The following POLD2 variants were observed in gnomAD, a reference collection of about 807,000 sequenced individuals.
The protein encoded by POLD2 is DNA polymerase delta 2, accessory subunit, also known as DNA polymerase delta subunit 2.
In POLD2, 31 loss-of-function variants were observed where a neutral mutation model predicts 48.8. The ratio of observed to expected loss-of-function variants is 0.64; its 90% confidence interval spans 0.48 to 0.86. The LOEUF (loss-of-function observed/expected upper bound fraction) is 0.86. Among genes scored for constraint, POLD2 ranks in the 40% least tolerant of loss-of-function variants. The pLI is 0.00. For synonymous variants in POLD2, 233 were observed against 256.3 expected, an observed-to-expected ratio of 0.91 and a Z score of 0.87; for missense variants, 455 against 610.1, an observed-to-expected ratio of 0.75 and a Z score of 2.68.
rs766949131 is a variant in POLD2, at chr7:44,115,326, G to A, written c.1218C>T (p.Asn406=). 4 of 1,613,760 alleles carry A rather than the reference G, an allele frequency of 2.5e-6. No homozygotes were observed. The East Asian group carries it at 6.7e-5, about 27-fold the overall frequency. ...TGATTTTGGAGCCAAAGCTGGGGGT[G>A]TTGCCACAAAAGTAGACATGCGGGC... is the stretch of plus-strand genomic sequence containing the variant. ...PECPHVYFCG[N]TPSFGSKIIR... is the part of the protein sequence containing the mutation. The change falls in exon 10 of 11, where the codon AAC becomes AAT. Residue 406 remains asparagine (N), a synonymous_variant. Transcript: ENST00000610533.
At chr7:44,118,210 G>C in intron 2 of POLD2, 146 bp from the exon 3 acceptor site, 1 of 908,774 alleles carries the variant, frequency 1.1e-6, no homozygotes, top group Non-Finnish European at 1.6e-6. Context: ...GGACCCCCTG[G>C]ACTTCACGGT....
Position 44,116,649 on chromosome 7 carries a change from G to A in POLD2, c.781-139C>T. On this transcript the variant is annotated intron_variant, in intron 6 of 10. Coordinates refer to ENST00000610533, the MANE Select transcript of POLD2 (RefSeq NM_006230.4). This position sits in a 1 kb window ranked among gnomAD's most constrained non-coding sequence, Gnocchi z 6.1. ...CAAGCCTCCCACCATCCTCAGCGAGGGCCTGGGCATGAGGAGCCCCATTGC... is the reference window on the plus strand; with the variant it reads ...CAAGCCTCCCACCATCCTCAGCGAGAGCCTGGGCATGAGGAGCCCCATTGC... 1.0e-6 allele frequency: 1 copy of A among 1,003,568 alleles called. No homozygotes were observed. Among genetic ancestry groups the A allele is most frequent in the Non-Finnish European group, 1.5e-6 (1 of 670,206 alleles). 62.2% of individuals were successfully genotyped at this position (1,003,568 alleles called of 1,614,324 possible).
intron 1 of POLD2, chr7:44,123,247 G>T (rs1314497878): frequency 7.4e-7 from 1 of 1,349,286 alleles, no homozygotes; most frequent in African/African-American, 1.5e-5. Flanking sequence ...CTGGGACACA[G>T]GCTCCGCACA....
At chr7:44,118,132 C>G (rs2096243259) in intron 2 of POLD2, 68 bp from the exon 3 acceptor site, 1 of 1,574,590 alleles carries the variant, frequency 6.4e-7, no homozygotes, top group African/African-American at 1.4e-5. Context: ...CATGGAGGCC[C>G]TGCCCAGCAC....
intron 2 of POLD2, chr7:44,118,435 T>A: frequency 5.6e-6 from 1 of 177,858 alleles, no homozygotes; most frequent in South Asian, 1.5e-4. Context: ...GAGCCAATCC[T>A]GCTGACATCT....
rs2096248345 is a variant in POLD2, at chr7:44,121,698, C to G, written c.220+136G>C. On this transcript the variant is annotated intron_variant, in intron 2 of 10. Transcript: ENST00000610533. This position sits in a 1 kb window ranked among gnomAD's most constrained non-coding sequence, Gnocchi z 4.5. ...TCCTTGTTACTATCTTAAGAAGAAACTGAGGGAAAAAGAGGTTAATTTTCC... is the reference window on the plus strand; with the variant it reads ...TCCTTGTTACTATCTTAAGAAGAAAGTGAGGGAAAAAGAGGTTAATTTTCC... 2.5e-5 allele frequency: 21 copies of G among 842,184 alleles called. No individual in the cohort carries two copies. The Admixed American group carries it at 5.6e-4, about 23-fold the overall frequency. 52.2% of individuals were successfully genotyped at this position (842,184 alleles called of 1,614,324 possible). A position where few individuals can be genotyped will look rare whatever the true frequency, so the allele number is the denominator to read the frequency against.
chr7:44,116,272 C>A lies in POLD2; in HGVS notation c.862G>T (p.Ala288Ser). 1 of 1,607,842 alleles carries A rather than the reference C, an allele frequency of 6.2e-7. No individual in the cohort carries two copies. The highest frequency in any genetic ancestry group is 8.5e-7 in the Non-Finnish European group (1 of 1,176,524). ...MLDEILLQLSASVPVDVMPGE... is the reference protein window; with the variant it reads ...MLDEILLQLSSSVPVDVMPGE... ...GGCATCACGTCCACGGGCACTGAGGCCTGGAAGGCACAGGGCAGGGAGAGC... is the reference window on the plus strand; with the variant it reads ...GGCATCACGTCCACGGGCACTGAGGACTGGAAGGCACAGGGCAGGGAGAGC... Residue 288 changes from alanine (A) to serine (S), a missense_variant and splice_region_variant, in exon 8 of 11, where the codon GCC (alanine) becomes TCC (serine). Around this residue, in one of 3 missense-constraint regions of POLD2, gnomAD observed 349 missense variants for 437.4 expected, o/e 0.80. Transcript: ENST00000610533. This position sits in a 1 kb window ranked among gnomAD's most constrained non-coding sequence, Gnocchi z 6.1.
chr7:44,117,842 T>C (rs2096242660), intron 3 of POLD2, 100 bp from the exon 4 acceptor site: 2 of 1,596,242 alleles, frequency 1.3e-6, no homozygotes, highest in Admixed American at 1.7e-5. Flanking sequence ...CTGGAGTCCA[T>C]TGTCTCTGAA....
intron 2 of POLD2, among the ~76,000 whole-genome samples, chr7:44,120,550 C>T (rs539098551): frequency 1.8e-3 from 270 of 152,296 alleles, no homozygotes; most frequent in South Asian, 6.0e-3. Flanking sequence ...TGTGTCCCCA[C>T]CCACATCTCA....
chr7:44,118,181 G>T, intron 2 of POLD2, 117 bp from the exon 3 acceptor site: 2 of 1,228,000 alleles, frequency 1.6e-6, no homozygotes, highest in Admixed American at 2.6e-5. Flanking sequence ...GCCTTGCCAG[G>T]AGAGAACATC....
rs781217682 is a variant in POLD2, at chr7:44,118,009, A to G, written c.276T>C (p.Cys92=). 1.9e-6 allele frequency: 3 copies of G among 1,614,034 alleles called. No individual in the cohort carries two copies. In the South Asian group the frequency reaches 3.3e-5, roughly 18 times the overall value. Residue 92 remains cysteine (C), a synonymous_variant, in exon 3 of 11, where the codon TGT becomes TGC. Transcript: ENST00000610533. ...TGGCCTTGAACAGAGTGCCCACCAC[A>G]CAGCACTTCTCCTCAGGCTGCAGTT... ...LCELQPEEKC[C]VVGTLFKAMP... is the part of the protein sequence containing the mutation.
rs774269295 is a variant in POLD2, at chr7:44,114,798, C to T, written c.1397G>A (p.Gly466Glu). 107 of 1,608,502 alleles carry T rather than the reference C, an allele frequency of 6.7e-5. No homozygotes were observed. Among genetic ancestry groups the T allele is most frequent in the Non-Finnish European group, 7.8e-5 (92 of 1,175,672 alleles). ...CACTTTTTTGAGTCAGGGGCCCAGC[C>T]CCAGGCCTCCCAGGTCATCGTCCTC... Reference protein sequence around the residue: ...GAEDDDLGGLGLGP With the variant: ...GAEDDDLGGLELGP The change falls in exon 11 of 11, where the codon GGG becomes GAG. Residue 466 changes from glycine (G) to glutamate (E), a missense_variant. Around this residue, in one of 3 missense-constraint regions of POLD2, gnomAD observed 98 missense variants for 138.6 expected, o/e 0.71. Coordinates refer to ENST00000610533, the MANE Select transcript of POLD2 (RefSeq NM_006230.4).
chr7:44,119,914 CCCTCAAAGAAT>C (rs2096245991), intron 2 of POLD2, among the ~76,000 whole-genome samples: 5 of 152,160 alleles, frequency 3.3e-5, no homozygotes, highest in Admixed American at 3.3e-4. Flanking sequence ...TTCAGGTGGC[CCCTCAAAGAAT>C]ATAACACTTC....
chr7:44,123,471 G>A (rs957382558), intron 1 of POLD2, 40 bp downstream of exon 1: 5 of 1,495,360 alleles, frequency 3.3e-6, no homozygotes, highest in Middle Eastern at 2.3e-4. Context: ...GCCTGGAACT[G>A]CCACCCCCAG....
chr7:44,118,425 G>A, intron 2 of POLD2: 1 of 185,352 alleles, frequency 5.4e-6, no homozygotes, highest in Non-Finnish European at 1.1e-5. Context: ...CCTTCAGAAG[G>A]AGCCAATCCT....
rs769168045 is a variant in POLD2, at chr7:44,121,793, G to A, written c.220+41C>T. ...CTCTTGCAGAACACTTCTAAGTTCAGGGATGCTGTGGGGGAAGCACCTTCC... is the reference window on the plus strand; with the variant it reads ...CTCTTGCAGAACACTTCTAAGTTCAAGGATGCTGTGGGGGAAGCACCTTCC... On this transcript the variant is annotated intron_variant, in intron 2 of 10. Transcript: ENST00000610533. This position sits in a 1 kb window ranked among gnomAD's most constrained non-coding sequence, Gnocchi z 4.5. 1 of 1,583,586 alleles carries A rather than the reference G, an allele frequency of 6.3e-7. No individual in the cohort carries two copies. The highest frequency in any genetic ancestry group is 1.1e-5 in the South Asian group (1 of 87,612).
At position 44,114,841 on chromosome 7, in the gene POLD2, A is replaced by T; in HGVS notation, c.1354T>A (p.Phe452Ile). The T allele has an allele frequency of 6.2e-7, 1 of 1,614,046 alleles. No individual in the cohort carries two copies. The highest frequency in any genetic ancestry group is 8.5e-7 in the Non-Finnish European group (1 of 1,179,918). ...TCGTCCTCTGCCCCGAAGCCCGAGA[A>T]GCTGATGGGCTGGCAGGCCAGGCTG... ...LRSLACQPIS[F>I]SGFGAEDDDL... Residue 452 changes from phenylalanine to isoleucine, a missense_variant, in exon 11 of 11, where the codon TTC becomes ATC. This residue lies in a region of POLD2 where 98 missense variants were observed against 138.6 expected (regional missense o/e 0.71). Transcript: ENST00000610533.
upstream of POLD2, chr7:44,123,665 C>T (rs919138181): frequency 1.8e-5 from 25 of 1,378,574 alleles, no homozygotes; most frequent in African/African-American, 2.4e-4. Context: ...TCCCGCCGAC[C>T]ACTGTGCGCC....
chr7:44,117,533 C>A, intron 4 of POLD2, 86 bp downstream of exon 4: 1 of 1,510,236 alleles, frequency 6.6e-7, no homozygotes, highest in Non-Finnish European at 9.0e-7. Context: ...CCCACTCCCC[C>A]CAGGCTCCCC....
Sources: gnomAD v4.1 joint callset for allele counts (sites outside exome capture counted in the v4.1 genomes callset) on GRCh38, gnomAD v4.1.1 for gene constraint, gnomAD v4.1.1 regional missense constraint, Gnocchi (gnomAD v3.1) non-coding constraint, MANE v1.5 for transcripts, NCBI Gene and HGNC (gene_info 2026-07-23, HGNC 2026-07-21) for gene names.